The following COL4A3 variants were observed in gnomAD, a reference collection of about 807,000 sequenced individuals.
The protein encoded by COL4A3 is collagen alpha-3(IV) chain.
In COL4A3, 135 loss-of-function variants were observed where a neutral mutation model predicts 217.4. That is an observed-to-expected ratio of 0.62 (90% CI 0.54 to 0.72). The LOEUF (loss-of-function observed/expected upper bound fraction) is 0.72. Among genes scored for constraint, COL4A3 ranks in the 30% least tolerant of loss-of-function variants. The pLI is 0.00. For missense variants in COL4A3, 1,868 were observed against 2,119.9 expected (o/e 0.88, Z 2.33); for synonymous variants, 690 against 736.3 (o/e 0.94, Z 1.02).
Position 227,202,763 on chromosome 2 carries a change from A to ATATTATATATATATATATG in COL4A3, c.88-35202_88-35201insTATATATATATATATGTAT, listed in dbSNP as rs2066756009. On this transcript the variant is annotated intron_variant, in intron 1 of 51. Coordinates refer to ENST00000396578, the MANE Select transcript of COL4A3 (RefSeq NM_000091.5). ...AAAAAAAAAATATATATATATATAT[A>ATATTATATATATATATATG]TATATATATCACATATATATACACA... Among the ~76,000 whole-genome samples, 21 of 109,620 alleles carry ATATTATATATATATATATG rather than the reference A, an allele frequency of 1.9e-4. 1 individual carries two copies. The highest frequency in any genetic ancestry group is 4.1e-4 in the Admixed American group (4 of 9,742). The allele number at this position is 109,620 out of a possible 152,430, so 71.9% of individuals were successfully genotyped here.
At chr2:227,252,181 A>G (rs545821211) in intron 11 of COL4A3, among the ~76,000 whole-genome samples, 4 of 149,102 alleles carry the variant, frequency 2.7e-5, no homozygotes, top group African/African-American at 9.8e-5. Flanking sequence ...ATCTCCTACT[A>G]TCAGGTAGCC....
chr2:227,218,080 C>CCATATATATATATATATATA (rs2067598273), intron 1 of COL4A3, among the ~76,000 whole-genome samples: 1 of 118,378 alleles, frequency 8.4e-6, no homozygotes, highest in Non-Finnish European at 1.9e-5. Flanking sequence ...ATATATATAG[C>CCATATATATATATATATATA]TATATATATA....
chr2:227,312,897 C>A lies in COL4A3; in HGVS notation c.*1027C>A, dbSNP rs377487079. ...TCACTCTAGGTTTTACAGATTTATT[C>A]CTTTGTTACTTCTCTAATTCTTCCT... is the stretch of plus-strand genomic sequence containing the variant. On this transcript the variant is annotated 3_prime_UTR_variant, in exon 52 of 52. Coordinates refer to ENST00000396578, the MANE Select transcript of COL4A3 (RefSeq NM_000091.5). 1 of 149,950 alleles carries A rather than the reference C, an allele frequency of 6.7e-6. No individual in the cohort carries two copies. Among genetic ancestry groups the A allele is most frequent in the African/African-American group, 2.5e-5 (1 of 40,610 alleles). 9.3% of individuals were successfully genotyped at this position (149,950 alleles called of 1,614,324 possible).
chr2:227,206,397 G>A (rs2067103170), intron 1 of COL4A3, among the ~76,000 whole-genome samples: 1 of 152,130 alleles, frequency 6.6e-6, no homozygotes, highest in Non-Finnish European at 1.5e-5. Flanking sequence ...TAATGTGCAA[G>A]GAGGTTCTCG....
intron 41 of COL4A3, among the ~76,000 whole-genome samples, chr2:227,297,319 A>G (rs1282913931): frequency 6.6e-6 from 1 of 152,244 alleles, no homozygotes; most frequent in Non-Finnish European, 1.5e-5. Context: ...AACACTTTAG[A>G]GCTTACACCA....
Position 227,224,974 on chromosome 2 carries a change from C to T in COL4A3, c.88-12994C>T, listed in dbSNP as rs745437071. 1.6e-4 allele frequency among the ~76,000 whole-genome samples: 25 copies of T among 152,228 alleles called. No homozygotes were observed. The South Asian group carries it at 2.5e-3, about 15-fold the overall frequency. On this transcript the variant is annotated intron_variant, in intron 1 of 51. Transcript: ENST00000396578. ...TCGCCCAGGCTGGAGTGCTGTGGCG[C>T]GATTACAGCTCACTGTGGCCTCAAC...
At chr2:227,190,418 CT>C (rs2066187261) in intron 1 of COL4A3, among the ~76,000 whole-genome samples, 1 of 152,158 alleles carries the variant, frequency 6.6e-6, no homozygotes, top group African/African-American at 2.4e-5. Flanking sequence ...GTACCCATTC[CT>C]GAGGAACTAA....
At chr2:227,268,964 C>T (rs527636020) in intron 23 of COL4A3, among the ~76,000 whole-genome samples, 2 of 152,098 alleles carry the variant, frequency 1.3e-5, no homozygotes, top group Non-Finnish European at 2.9e-5. Context: ...TACATTTGGC[C>T]TATCCAGGTG....
chr2:227,260,733 T>C (rs1413014807), intron 19 of COL4A3, among the ~76,000 whole-genome samples: 1 of 152,324 alleles, frequency 6.6e-6, no homozygotes, highest in African/African-American at 2.4e-5. Flanking sequence ...CAATCTAAGA[T>C]GGAACACCAA....
intron 1 of COL4A3, among the ~76,000 whole-genome samples, chr2:227,225,688 T>C (rs2068048106): frequency 6.6e-6 from 1 of 150,758 alleles, no homozygotes; most frequent in Non-Finnish European, 1.5e-5. Flanking sequence ...GTTCCCATGT[T>C]AAGGGAACAG....
Position 227,309,062 on chromosome 2 carries a change from GC to G in COL4A3, c.4628del (p.Pro1543LeufsTer3). ...CTCCCATTACTGGCAGAGCCCTTGAGCCTTATATAAGCAGGTAAAAATCCAA... is the reference window on the plus strand; with the variant it reads ...CTCCCATTACTGGCAGAGCCCTTGAGCTTATATAAGCAGGTAAAAATCCAA... The part of the protein sequence containing the change: ...MAPITGRALE[P>X]YISRCTVCEG... On this transcript the variant is annotated frameshift_variant, in exon 49 of 52. Transcript: ENST00000396578. LOFTEE classifies it high-confidence loss of function. 6.2e-7 allele frequency: 1 copy of G among 1,614,206 alleles called. No individual in the cohort carries two copies. The highest frequency in any genetic ancestry group is 8.5e-7 in the Non-Finnish European group (1 of 1,180,024).
chr2:227,256,619 C>T (rs1423126729), intron 17 of COL4A3: 5 of 718,698 alleles, frequency 7.0e-6, no homozygotes, highest in Non-Finnish European at 1.0e-5. Flanking sequence ...GTACTTGAAG[C>T]TGTCTGACTT....
chr2:227,178,464 T>C (rs7587248), intron 1 of COL4A3, among the ~76,000 whole-genome samples: 1 of 152,082 alleles, frequency 6.6e-6, no homozygotes, highest in Non-Finnish European at 1.5e-5. Context: ...TTAAAGTCAT[T>C]TTTTAAATGA....
intron 50 of COL4A3, among the ~76,000 whole-genome samples, chr2:227,310,504 C>T (rs533148731): frequency 4.5e-4 from 69 of 152,302 alleles, no homozygotes; most frequent in South Asian, 1.7e-3. Flanking sequence ...TTAGTACAGA[C>T]ATGATTTCAC....
At chr2:227,201,288 GA>G (rs904479032) in intron 1 of COL4A3, among the ~76,000 whole-genome samples, 62 of 151,384 alleles carry the variant, frequency 4.1e-4, no homozygotes, top group Middle Eastern at 6.8e-3. Flanking sequence ...CACTAAGGAG[GA>G]AAAAAAAATT....
At chr2:227,168,827 T>A (rs2065369032) in intron 1 of COL4A3, among the ~76,000 whole-genome samples, 1 of 152,164 alleles carries the variant, frequency 6.6e-6, no homozygotes, top group Non-Finnish European at 1.5e-5. Context: ...TCCATGTAGA[T>A]GACAAATCGT....
intron 1 of COL4A3, among the ~76,000 whole-genome samples, chr2:227,176,189 T>C (rs2065668358): frequency 6.6e-6 from 1 of 152,244 alleles, no homozygotes; most frequent in South Asian, 2.1e-4. Flanking sequence ...GGTGCCATTA[T>C]TTTGATAATT....
At chr2:227,294,626 T>G in intron 39 of COL4A3, 56 bp downstream of exon 39, 1 of 1,295,536 alleles carries the variant, frequency 7.7e-7, no homozygotes, top group East Asian at 2.3e-5. Flanking sequence ...CATTTTCTCC[T>G]GAGGTTTGGA....
chr2:227,230,563 T>A (rs1181179246), intron 1 of COL4A3, among the ~76,000 whole-genome samples: 4 of 152,174 alleles, frequency 2.6e-5, no homozygotes, highest in African/African-American at 9.7e-5. Context: ...TGAATAGTAA[T>A]GAATGGGTTA....
Sources: allele counts gnomAD v4.1 joint callset (sites outside exome capture counted in the v4.1 genomes callset), GRCh38; gene constraint gnomAD v4.1.1; transcripts MANE v1.5; gene names NCBI Gene and HGNC (gene_info 2026-07-23, HGNC 2026-07-21).